The following NOX5 variants were observed in gnomAD, a reference collection of about 807,000 sequenced individuals.
The protein encoded by NOX5 is NADPH oxidase 5, also known as NADPH oxidase, EF-hand calcium binding domain 5.
A neutral mutation model predicts 85.7 loss-of-function variants in NOX5; 76 were observed. The ratio of observed to expected loss-of-function variants is 0.89; its 90% CI spans 0.74 to 1.07. The LOEUF is 1.07. NOX5 is among the 50% of genes least tolerant of loss of function. The pLI is 0.00. For synonymous variants in NOX5, 405 were observed against 401.4 expected, an observed-to-expected ratio of 1.01 and a Z score of -0.11; for missense variants, 973 against 999.5, an observed-to-expected ratio of 0.97 and a Z score of 0.36.
chr15:69,035,686 G>A, intron 6 of NOX5, 72 bp from the exon 7 acceptor site: 1 of 1,581,274 alleles, frequency 6.3e-7, no homozygotes, highest in Non-Finnish European at 8.6e-7. Flanking sequence ...TGCAGGGTGG[G>A]GATCCCAATG....
chr15:69,056,859 G>A lies in NOX5; in HGVS notation c.*163G>A. 1.3e-6 allele frequency: 1 copy of A among 780,048 alleles called. No individual in the cohort carries two copies. Among genetic ancestry groups the A allele is most frequent in the Non-Finnish European group, 2.0e-6 (1 of 512,552 alleles). 48.3% of individuals were successfully genotyped at this position (780,048 alleles called of 1,614,324 possible). On this transcript the variant is annotated 3_prime_UTR_variant, in exon 16 of 16. Coordinates refer to ENST00000388866, the MANE Select transcript of NOX5 (RefSeq NM_024505.4). ...CAGAGAGAACAGGAGACCCCAAGGG[G>A]CAGATGAACTTCCTCTAGAACCCAG...
intron 1 of NOX5, among the ~76,000 whole-genome samples, chr15:69,025,444 CTG>C (rs1262175141): frequency 1.3e-5 from 2 of 152,202 alleles, no homozygotes; most frequent in African/African-American, 2.4e-5. Flanking sequence ...CACTCACTGT[CTG>C]AGAGCTGAAA....
rs2050556550 is a variant in NOX5, at chr15:69,038,889, T to G, written c.1404T>G (p.Phe468Leu). Residue 468 changes from phenylalanine to leucine, a missense_variant, in exon 9 of 16, where the codon TTT (phenylalanine) becomes TTG (leucine). Phe to Leu is a conservative substitution (Grantham distance 22). Transcript: ENST00000388866. ...ATCTCCTCATCAAGCGGCCCCCTTTTTTTCACTATAGACCTGGTGACTACT... is the reference window on the plus strand; with the variant it reads ...ATCTCCTCATCAAGCGGCCCCCTTTGTTTCACTATAGACCTGGTGACTACT... ...VTHLLIKRPPFFHYRPGDYLY... is the reference protein window; with the variant it reads ...VTHLLIKRPPLFHYRPGDYLY... The G allele has an allele frequency of 6.2e-7, 1 of 1,614,142 alleles. No individual in the cohort carries two copies. The highest frequency in any genetic ancestry group is 1.3e-5 in the African/African-American group (1 of 75,012).
Position 69,031,047 on chromosome 15 carries a change from C to T in NOX5, c.326-471C>T, listed in dbSNP as rs34222675. On this transcript the variant is annotated intron_variant, in intron 3 of 15. Transcript: ENST00000388866. ...GTTGGTAGTTTTGGCTTCCTTATCC[C>T]ATCACTTTCAACCACCCATGTTTAC... The T allele has an allele frequency of 3.6e-3, 568 of 157,886 alleles. 3 individuals are homozygous for T. Among genetic ancestry groups the T allele is most frequent in the African/African-American group, 0.013 (548 of 41,790 alleles). The allele number at this position is 157,886 out of a possible 1,614,324, so 9.8% of individuals were successfully genotyped here. A position where few individuals can be genotyped will look rare whatever the true frequency, so the allele number is the denominator to read the frequency against.
Position 69,048,964 on chromosome 15 carries a change from C to T in NOX5, c.1905C>T (p.Asp635=), listed in dbSNP as rs1322396868. 2 of 1,611,250 alleles carry T rather than the reference C, an allele frequency of 1.2e-6. No individual in the cohort carries two copies. Among genetic ancestry groups the T allele is most frequent in the South Asian group, 2.2e-5 (2 of 90,184 alleles). The part of the protein sequence containing the change: ...VQDNMKLHKV[D]FIWINRDQRS... ...TGAAGGGCCTCTCTCCGTAGGTGGA[C>T]TTTATCTGGATCAACAGAGACCAGC... Residue 635 remains aspartate, a synonymous_variant, in exon 14 of 16, where the codon GAC becomes GAT. Coordinates refer to ENST00000388866, the MANE Select transcript of NOX5 (RefSeq NM_024505.4).
chr15:69,033,215 G>T lies in NOX5; in HGVS notation c.793G>T (p.Ala265Ser). 6.3e-7 allele frequency: 1 copy of T among 1,597,302 alleles called. No homozygotes were observed. The change falls in exon 5 of 16, where the codon GCC (alanine) becomes TCC (serine). Residue 265 changes from alanine to serine, a missense_variant. By Grantham distance (99) the Ala-to-Ser change is moderately conservative (BLOSUM62 1). Coordinates refer to ENST00000388866, the MANE Select transcript of NOX5 (RefSeq NM_024505.4). ...LAASAHRDLGASVMVAKGCGQ... is the reference protein window; with the variant it reads ...LAASAHRDLGSSVMVAKGCGQ... ...GGCCAGCGCGCACCGGGACCTCGGC[G>T]CCAGCGTCATGGTGGCCAAGGGCTG...
chr15:69,043,940 C>T (rs1211771521), intron 10 of NOX5, among the ~76,000 whole-genome samples: 1 of 152,164 alleles, frequency 6.6e-6, no homozygotes, highest in African/African-American at 2.4e-5. Context: ...AATCCCAGCA[C>T]TTTGGGAGGC....
chr15:69,031,025 G>A (rs1162986186), intron 3 of NOX5: 4 of 155,230 alleles, frequency 2.6e-5, no homozygotes, highest in Non-Finnish European at 5.7e-5. Context: ...CATCTCTGTT[G>A]GTAGTTTTGG....
chr15:69,031,750 C>G lies in NOX5; in HGVS notation c.558C>G (p.Thr186=), dbSNP rs772592301. 1.2e-6 allele frequency: 2 copies of G among 1,611,440 alleles called. No individual in the cohort carries two copies. The highest frequency in any genetic ancestry group is 2.2e-5 in the South Asian group (2 of 90,974). The change falls in exon 4 of 16, where the codon ACC becomes ACG. Residue 186 remains threonine (T), a synonymous_variant. Coordinates refer to ENST00000388866, the MANE Select transcript of NOX5 (RefSeq NM_024505.4). ...ACGCGGACGGCAACGGGGCCATCAC[C>G]TTCGAGGAGCTCCGGGACGAGCTGC... ...SADADGNGAI[T]FEELRDELQR... is the part of the protein sequence containing the mutation.
chr15:69,017,310 C>A (rs1313558247), intron 1 of NOX5, among the ~76,000 whole-genome samples: 1 of 152,028 alleles, frequency 6.6e-6, no homozygotes, highest in Non-Finnish European at 1.5e-5. Context: ...TGCCACCACA[C>A]CAGGCTAATT....
chr15:69,048,436 G>A (rs888819991), intron 13 of NOX5, among the ~76,000 whole-genome samples: 1 of 152,148 alleles, frequency 6.6e-6, no homozygotes, highest in Non-Finnish European at 1.5e-5. Context: ...GGGAGACTGA[G>A]GTGGGAGGAT....
At chr15:69,050,519 T>G (rs1232572558) in intron 14 of NOX5, among the ~76,000 whole-genome samples, 2 of 152,142 alleles carry the variant, frequency 1.3e-5, no homozygotes, top group African/African-American at 2.4e-5. Flanking sequence ...GTCTCCCAAG[T>G]AGCTGGGATT....
intron 14 of NOX5, among the ~76,000 whole-genome samples, chr15:69,054,648 C>T (rs904252315): frequency 6.6e-6 from 1 of 152,230 alleles, no homozygotes; most frequent in African/African-American, 2.4e-5. Flanking sequence ...CCCTTCACCT[C>T]TGCCTTTACT....
rs2050815097 is a variant in NOX5 at position 69,056,624 on chromosome 15, C to T, written c.2226C>T (p.Ser742=). 1.2e-6 allele frequency: 2 copies of T among 1,613,848 alleles called. No homozygotes were observed. Among genetic ancestry groups the T allele is most frequent in the East Asian group, 2.2e-5 (1 of 44,878 alleles). ...KGKVQVFFCG[S]PALAKVLKGH... is the part of the protein sequence containing the mutation. ...AGGTGCAGGTCTTCTTCTGTGGCTC[C>T]CCAGCTCTGGCCAAGGTGCTGAAGG... The change falls in exon 16 of 16, where the codon TCC becomes TCT. Residue 742 remains serine, a synonymous_variant. Coordinates refer to ENST00000388866, the MANE Select transcript of NOX5 (RefSeq NM_024505.4).
At chr15:69,042,860 A>T in intron 10 of NOX5, 55 bp downstream of exon 10, 1 of 1,569,718 alleles carries the variant, frequency 6.4e-7, no homozygotes, top group Non-Finnish European at 8.7e-7. Flanking sequence ...CACAGAGACC[A>T]AGTTGCCTCC....
At chr15:69,043,082 C>G (rs924240635) in intron 10 of NOX5, among the ~76,000 whole-genome samples, 10 of 152,206 alleles carry the variant, frequency 6.6e-5, no homozygotes, top group African/African-American at 2.4e-4. Context: ...CTCCAGGTCT[C>G]TGCTCTAATA....
At chr15:69,026,729 G>T (rs1218414385) in intron 2 of NOX5, 78 bp downstream of exon 2, 2 of 1,596,014 alleles carry the variant, frequency 1.3e-6, no homozygotes, top group Non-Finnish European at 8.6e-7. Context: ...CTTACAGGGA[G>T]GGAAAGGGAA....
intron 12 of NOX5, 76 bp downstream of exon 12, chr15:69,047,613 T>C (rs538785837): frequency 1.9e-4 from 284 of 1,517,508 alleles, no homozygotes; most frequent in Non-Finnish European, 1.3e-4. Context: ...CCTCCCTTTA[T>C]TCCTTCTCCT....
chr15:69,031,985 C>G (rs1337065398), intron 4 of NOX5, among the ~76,000 whole-genome samples, 173 bp downstream of exon 4: 1 of 152,086 alleles, frequency 6.6e-6, no homozygotes, highest in Admixed American at 6.5e-5. Context: ...ATTGCCTCCA[C>G]TTCCTGCAGT....
Sources: allele counts gnomAD v4.1 joint callset (sites outside exome capture counted in the v4.1 genomes callset), GRCh38; gene constraint gnomAD v4.1.1; transcripts MANE v1.5; gene names NCBI Gene and HGNC (gene_info 2026-07-23, HGNC 2026-07-21).